The following FAT3 variants were observed in gnomAD, a reference collection of about 807,000 sequenced individuals.
FAT3 encodes the protein protocadherin Fat 3.
In FAT3, 95 loss-of-function variants were observed where a neutral mutation model predicts 310.2. That is an observed-to-expected ratio of 0.31 (90% CI 0.26 to 0.36). The LOEUF is 0.36. Ranked by LOEUF, FAT3 falls within the 10% of genes least tolerant of loss-of-function variation. The pLI is 1.00. For missense variants in FAT3, 5,408 were observed against 5,715.6 expected, an observed-to-expected ratio of 0.95 and a Z score of 1.74; for synonymous variants, 2,314 against 2,192.9, an observed-to-expected ratio of 1.06 and a Z score of -1.54.
rs145777165 is a variant in FAT3, at chr11:92,615,333, G to A, written c.3608-82051G>A. Among the ~76,000 whole-genome samples the A allele has an allele frequency of 3.1e-3, 476 of 152,192 alleles. 18 individuals are homozygous for A. In the East Asian group the frequency reaches 0.066, roughly 21 times the overall value. On this transcript the variant is annotated intron_variant, in intron 3 of 27. Transcript: ENST00000525166. Reference sequence around the variant, plus strand: ...ACGATCTTCGCTCACTGCAACCTCCGCCTCCTGGGTTCAAGCAATTCTCCC... The same window carrying A: ...ACGATCTTCGCTCACTGCAACCTCCACCTCCTGGGTTCAAGCAATTCTCCC...
intron 20 of FAT3, 83 bp downstream of exon 20, chr11:92,857,431 C>A: frequency 1.3e-6 from 2 of 1,571,664 alleles, no homozygotes; most frequent in Non-Finnish European, 1.7e-6. Context: ...CATCCAAGTC[C>A]TCCCAGAAAA....
chr11:92,480,721 G>A (rs1952200408), intron 2 of FAT3, among the ~76,000 whole-genome samples: 1 of 152,196 alleles, frequency 6.6e-6, no homozygotes, highest in South Asian at 2.1e-4. Flanking sequence ...GTGACTGTAA[G>A]TGAACATCAG....
intron 7 of FAT3, among the ~76,000 whole-genome samples, chr11:92,776,390 T>C (rs1946598638): frequency 6.6e-6 from 1 of 152,214 alleles, no homozygotes; most frequent in African/African-American, 2.4e-5. Flanking sequence ...AGAATTTTAT[T>C]AGAACCAGAT....
intron 16 of FAT3, among the ~76,000 whole-genome samples, chr11:92,837,284 G>A (rs2136275183): frequency 6.6e-6 from 1 of 152,302 alleles, no homozygotes; most frequent in African/African-American, 2.4e-5. Flanking sequence ...AAATAAGACA[G>A]ATCAGCAGTG....
chr11:92,456,139 TTACTTGAC>T (rs1951487350), intron 2 of FAT3, among the ~76,000 whole-genome samples: 1 of 152,186 alleles, frequency 6.6e-6, no homozygotes. Flanking sequence ...CTTGGGCAAG[TTACTTGAC>T]TACTTCGTTT....
At chr11:92,411,136 TTA>T (rs1053794857) in intron 2 of FAT3, among the ~76,000 whole-genome samples, 13 of 106,234 alleles carry the variant, frequency 1.2e-4, no homozygotes, top group African/African-American at 4.0e-4. Flanking sequence ...ATATTATATA[TTA>T]TATATATAAA....
chr11:92,310,285 A>C (rs2134453126), intron 1 of FAT3, among the ~76,000 whole-genome samples: 1 of 152,328 alleles, frequency 6.6e-6, no homozygotes, highest in Admixed American at 6.5e-5. Flanking sequence ...GAGGAAAGTT[A>C]GAGACTATTT....
intron 13 of FAT3, among the ~76,000 whole-genome samples, chr11:92,820,961 A>G (rs1418925218): frequency 6.6e-6 from 1 of 152,182 alleles, no homozygotes; most frequent in Non-Finnish European, 1.5e-5. Context: ...ATCAATGGCA[A>G]TTAAAACAGG....
At chr11:92,721,570 C>T (rs1944859560) in intron 4 of FAT3, among the ~76,000 whole-genome samples, 2 of 152,176 alleles carry the variant, frequency 1.3e-5, no homozygotes, top group African/African-American at 4.8e-5. Context: ...AAGGCGCAAA[C>T]CTCAACTGCC....
At chr11:92,592,343 A>G (rs1319440268) in intron 3 of FAT3, among the ~76,000 whole-genome samples, 1 of 99,256 alleles carries the variant, frequency 1.0e-5, no homozygotes, top group Non-Finnish European at 1.9e-5. Flanking sequence ...TTTTTTTGAG[A>G]TAGAGTCTCG....
intron 24 of FAT3, among the ~76,000 whole-genome samples, chr11:92,886,517 C>A (rs1303574890): frequency 6.6e-6 from 1 of 152,156 alleles, no homozygotes; most frequent in East Asian, 1.9e-4. Context: ...GGAGGCAAAG[C>A]TGAAAATTCC....
chr11:92,654,581 C>T (rs1411763322), intron 3 of FAT3, among the ~76,000 whole-genome samples: 2 of 152,100 alleles, frequency 1.3e-5, no homozygotes, highest in Non-Finnish European at 2.9e-5. Context: ...ATGTAACTCA[C>T]CCATTATTTA....
chr11:92,243,354 G>A (rs1015388715), intron 1 of FAT3, among the ~76,000 whole-genome samples: 1 of 151,864 alleles, frequency 6.6e-6, no homozygotes, highest in Non-Finnish European at 1.5e-5. Context: ...GTGTGCAGGC[G>A]TCGGTGAATT....
At chr11:92,283,495 G>T (rs779040227) in intron 1 of FAT3, among the ~76,000 whole-genome samples, 11 of 152,108 alleles carry the variant, frequency 7.2e-5, no homozygotes, top group Non-Finnish European at 1.6e-4. Context: ...TTCATGGTTT[G>T]GGTTTCAGAG....
At chr11:92,712,243 C>T (rs1484083249) in intron 4 of FAT3, among the ~76,000 whole-genome samples, 1 of 152,102 alleles carries the variant, frequency 6.6e-6, no homozygotes, top group Non-Finnish European at 1.5e-5. Flanking sequence ...AGAGCAGCCC[C>T]TGTCTCCCGC....
At chr11:92,596,129 A>G (rs1417972782) in intron 3 of FAT3, among the ~76,000 whole-genome samples, 1 of 151,998 alleles carries the variant, frequency 6.6e-6, no homozygotes, top group East Asian at 1.9e-4. Context: ...AATACACTAC[A>G]TTTTTGCATA....
intron 1 of FAT3, among the ~76,000 whole-genome samples, chr11:92,348,006 A>G (rs868213719): frequency 1.3e-5 from 2 of 152,208 alleles, no homozygotes; most frequent in South Asian, 4.1e-4. Context: ...CTAAAAAGAA[A>G]AGAAGACAAA....
intron 2 of FAT3, among the ~76,000 whole-genome samples, chr11:92,470,581 C>T (rs1951879460): frequency 6.6e-6 from 1 of 152,164 alleles, no homozygotes; most frequent in African/African-American, 2.4e-5. Context: ...TTGGGAAACA[C>T]CAAGCCCTGC....
At chr11:92,691,588 C>T (rs1943800322) in intron 3 of FAT3, among the ~76,000 whole-genome samples, 1 of 151,924 alleles carries the variant, frequency 6.6e-6, no homozygotes, top group South Asian at 2.1e-4. Context: ...ACCATGTTAC[C>T]CAGGCTGGTC....
Sources: gnomAD v4.1 joint callset for allele counts (sites outside exome capture counted in the v4.1 genomes callset) on GRCh38, gnomAD v4.1.1 for gene constraint, MANE v1.5 for transcripts, NCBI Gene and HGNC (gene_info 2026-07-23, HGNC 2026-07-21) for gene names.